Variants in GALNTL6 observed in about 807,000 individuals in gnomAD.
The protein encoded by GALNTL6 is polypeptide N-acetylgalactosaminyltransferase like 6.
GALNTL6 carries 46 observed loss-of-function variants against 73.7 expected under a neutral mutation model. The observed-to-expected ratio is 0.62, with a 90% CI of 0.49 to 0.80. The LOEUF is 0.80. Ranked by LOEUF, GALNTL6 falls within the 30% of genes least tolerant of loss-of-function variation. GALNTL6 has a pLI of 0.00. For synonymous variants in GALNTL6, 259 were observed against 263.7 expected (o/e 0.98, Z 0.17); for missense variants, 604 against 755.0 (o/e 0.80, Z 2.34).
At chr4:172,214,894 G>A (rs1043768465) in intron 2 of GALNTL6, among the ~76,000 whole-genome samples, 3 of 151,800 alleles carry the variant, frequency 2.0e-5, no homozygotes, top group Admixed American at 1.3e-4. Context: ...TTAGATTATT[G>A]GCTTTAGAGC....
At chr4:173,007,215 G>C (rs116381909) in intron 10 of GALNTL6, among the ~76,000 whole-genome samples, 2 of 152,056 alleles carry the variant, frequency 1.3e-5, no homozygotes, top group African/African-American at 4.8e-5. Context: ...ACCCCAGCAG[G>C]AACAGGCCCA....
chr4:172,036,826 G>T (rs987025468), intron 2 of GALNTL6, among the ~76,000 whole-genome samples: 1 of 152,002 alleles, frequency 6.6e-6, no homozygotes, highest in African/African-American at 2.4e-5. Flanking sequence ...CTTATTGACT[G>T]GTATATTTAA....
At chr4:172,229,633 T>C in intron 2 of GALNTL6, 23 bp from the exon 3 acceptor site, 1 of 1,498,332 alleles carries the variant, frequency 6.7e-7, no homozygotes, top group South Asian at 1.1e-5. Context: ...CTTTTTATGC[T>C]TGAATACTTT....
intron 9 of GALNTL6, among the ~76,000 whole-genome samples, chr4:172,943,896 A>C (rs12643228): frequency 6.6e-6 from 1 of 152,284 alleles, no homozygotes; most frequent in Admixed American, 6.5e-5. Flanking sequence ...AGAAAACATT[A>C]TTTTTTCAAC....
Position 172,094,429 on chromosome 4 carries a change from A to G in GALNTL6, c.139-135227A>G, listed in dbSNP as rs547222641. Among the ~76,000 whole-genome samples, 17 of 152,224 alleles carry G rather than the reference A, an allele frequency of 1.1e-4. No individual in the cohort carries two copies. The South Asian group carries it at 3.5e-3, about 32-fold the overall frequency. On this transcript the variant is annotated intron_variant, in intron 2 of 12. Transcript: ENST00000506823. ...ACTTTCTTATAAAGTTTTCTACTCT[A>G]GGTTAATCTCAAAATTGGGGAAAAA... is the stretch of plus-strand genomic sequence containing the variant.
At chr4:172,333,748 A>G (rs1741212766) in intron 4 of GALNTL6, among the ~76,000 whole-genome samples, 1 of 152,136 alleles carries the variant, frequency 6.6e-6, no homozygotes, top group South Asian at 2.1e-4. Flanking sequence ...TCTTAGTCAT[A>G]AATTGTTTGC....
chr4:172,194,659 A>T (rs1735695569), intron 2 of GALNTL6, among the ~76,000 whole-genome samples: 1 of 152,220 alleles, frequency 6.6e-6, no homozygotes, highest in Admixed American at 6.5e-5. Context: ...CTTAAAGAAA[A>T]GATTTTCCAG....
In GALNTL6 at chr4:172,399,755, G is replaced by C. The variant is rs140950154; in HGVS notation, c.553+51066G>C. ...TAAAACTTTTTATGGAAATTGATGA[G>C]TTTTTCTCATTCACCAGCAAAATAG... is the stretch of plus-strand genomic sequence containing the variant. On this transcript the variant is annotated intron_variant, in intron 5 of 12. Transcript: ENST00000506823. 1.4e-3 allele frequency among the ~76,000 whole-genome samples: 211 copies of C among 152,194 alleles called. 2 individuals carry two copies. Among genetic ancestry groups the C allele is most frequent in the African/African-American group, 5.0e-3 (207 of 41,550 alleles).
chr4:172,709,092 C>G (rs1233104056), intron 5 of GALNTL6, among the ~76,000 whole-genome samples: 2 of 152,182 alleles, frequency 1.3e-5, no homozygotes, highest in African/African-American at 2.4e-5. Context: ...TGATTTCATG[C>G]CCACATGCAT....
At chr4:172,567,706 G>T (rs1736608349) in intron 5 of GALNTL6, among the ~76,000 whole-genome samples, 1 of 152,032 alleles carries the variant, frequency 6.6e-6, no homozygotes, top group Admixed American at 6.6e-5. Context: ...CATGGTAGCA[G>T]GTGCCTGTAA....
chr4:172,463,429 A>G (rs1561094779), intron 5 of GALNTL6, among the ~76,000 whole-genome samples: 1 of 152,170 alleles, frequency 6.6e-6, no homozygotes, highest in Non-Finnish European at 1.5e-5. Context: ...TATAATGCCT[A>G]TATCGGTATG....
chr4:171,918,489 A>T (rs1737691129), intron 2 of GALNTL6, among the ~76,000 whole-genome samples: 1 of 152,114 alleles, frequency 6.6e-6, no homozygotes, highest in African/African-American at 2.4e-5. Context: ...ATGGTTAAAC[A>T]GTGTTACCGA....
At chr4:172,886,636 G>T (rs1745735988) in intron 8 of GALNTL6, among the ~76,000 whole-genome samples, 1 of 152,116 alleles carries the variant, frequency 6.6e-6, no homozygotes, top group South Asian at 2.1e-4. Flanking sequence ...GGTGGCGCAT[G>T]CCTGTAATCC....
At chr4:172,207,660 A>G (rs993668297) in intron 2 of GALNTL6, among the ~76,000 whole-genome samples, 2 of 152,174 alleles carry the variant, frequency 1.3e-5, no homozygotes, top group Non-Finnish European at 2.9e-5. Context: ...GACTACTGAC[A>G]TATAAACGCT....
intron 5 of GALNTL6, among the ~76,000 whole-genome samples, chr4:172,563,061 T>C (rs1419416725): frequency 6.6e-6 from 1 of 152,228 alleles, no homozygotes; most frequent in East Asian, 1.9e-4. Flanking sequence ...AATCTGAGCT[T>C]TCCGTGATCC....
At chr4:172,937,480 A>G (rs1748680962) in intron 9 of GALNTL6, among the ~76,000 whole-genome samples, 1 of 152,172 alleles carries the variant, frequency 6.6e-6, no homozygotes, top group Admixed American at 6.5e-5. Context: ...ACAGCCTGGG[A>G]TAGCCTGGGG....
chr4:172,183,730 C>T (rs1735330495), intron 2 of GALNTL6, among the ~76,000 whole-genome samples: 1 of 151,998 alleles, frequency 6.6e-6, no homozygotes, highest in Non-Finnish European at 1.5e-5. Context: ...TTTCCATGAG[C>T]CCCTTGTGTT....
intron 5 of GALNTL6, among the ~76,000 whole-genome samples, chr4:172,661,630 T>G (rs1001692242): frequency 2.6e-5 from 4 of 152,340 alleles, no homozygotes; most frequent in African/African-American, 9.6e-5. Flanking sequence ...TTATAGTATA[T>G]GCTAATATAT....
chr4:172,797,634 C>A (rs918229955), intron 5 of GALNTL6, among the ~76,000 whole-genome samples: 2 of 152,056 alleles, frequency 1.3e-5, no homozygotes, highest in African/African-American at 4.8e-5. Flanking sequence ...CTCAGCCTCC[C>A]GGGTTCAGAT....
Sources: gnomAD v4.1 joint callset for allele counts (sites outside exome capture counted in the v4.1 genomes callset) on GRCh38, gnomAD v4.1.1 for gene constraint, MANE v1.5 for transcripts, NCBI Gene and HGNC (gene_info 2026-07-23, HGNC 2026-07-21) for gene names.